USP34: variants seen among roughly 807,000 people sequenced by gnomAD.
The protein encoded by USP34 is ubiquitin specific peptidase 34.
USP34 carries 70 observed loss-of-function variants against 460.3 expected under a neutral mutation model. The observed-to-expected ratio is 0.15, with a 90% confidence interval of 0.13 to 0.19. USP34 has a LOEUF of 0.19. USP34 is among the 10% of genes least tolerant of loss of function. The probability of loss-of-function intolerance (pLI) is 1.00; values close to 1 mark genes in which losing one functional copy is unlikely to be tolerated. For synonymous variants in USP34, 1,647 were observed against 1,405.3 expected, an observed-to-expected ratio of 1.17 and a Z score of -3.85; for missense variants, 3,985 against 4,236.2, an observed-to-expected ratio of 0.94 and a Z score of 1.65.
At chr2:61,303,006 A>C (rs1357753995) in intron 27 of USP34, among the ~76,000 whole-genome samples, 2 of 152,144 alleles carry the variant, frequency 1.3e-5, no homozygotes. Flanking sequence ...ATTTCAATTT[A>C]CTCAGATGTT....
In USP34 at chr2:61,339,630, T is replaced by C. The variant is rs1163471861; in HGVS notation, c.2552A>G (p.Asn851Ser). The C allele has an allele frequency of 6.3e-7, 1 of 1,580,694 alleles. No individual in the cohort carries two copies. Among genetic ancestry groups the C allele is most frequent in the Non-Finnish European group, 8.6e-7 (1 of 1,169,516 alleles). Reference sequence around the variant, plus strand: ...TCCTTTCTTGCAAACATTATCCAAATTAATGTCTGTAACAGCATTACTGTT... The same window carrying C: ...TCCTTTCTTGCAAACATTATCCAAACTAATGTCTGTAACAGCATTACTGTT... Reference protein sequence around the residue: ...QFNSNAVTDINLDNVCKKGNT... With the variant: ...QFNSNAVTDISLDNVCKKGNT... The change falls in exon 17 of 80, where the codon AAT becomes AGT. Residue 851 changes from asparagine to serine, a missense_variant. This residue lies in a region of USP34 where 716 missense variants were observed against 626.2 expected (regional missense o/e 1.14). Transcript: ENST00000398571.
intron 1 of USP34, among the ~76,000 whole-genome samples, chr2:61,443,051 A>T (rs577417799): frequency 9.4e-6 from 1 of 106,658 alleles, no homozygotes; most frequent in South Asian, 3.1e-4. Flanking sequence ...GTTAAACACC[A>T]TAAGTTCTTA....
Position 61,358,414 on chromosome 2 carries a change from T to C in USP34, c.1252-7721A>G, listed in dbSNP as rs185213476. 1.4e-3 allele frequency among the ~76,000 whole-genome samples: 210 copies of C among 151,864 alleles called. 1 individual carries two copies. The highest frequency in any genetic ancestry group is 8.3e-3 in the South Asian group (40 of 4,810). On this transcript the variant is annotated intron_variant, in intron 10 of 79. Transcript: ENST00000398571. The stretch of plus-strand genomic sequence containing the variant: ...GATATTATAATTGTACACGAGAAAA[T>C]TGGACAACCTGGAAGATTCCTTTCA...
Position 61,433,563 on chromosome 2 carries a change from G to A in USP34, c.44-12730C>T, listed in dbSNP as rs564649987. ...GCAGGAGAATCACTTGAACCCAGGA[G>A]GCAGAGGTTGCAGTGAACCAAGATC... On this transcript the variant is annotated intron_variant, in intron 1 of 79. Transcript: ENST00000398571. Among the ~76,000 whole-genome samples the A allele has an allele frequency of 2.1e-4, 32 of 152,242 alleles. No individual in the cohort carries two copies. In the Middle Eastern group the frequency reaches 0.01, roughly 49 times the overall value.
At chr2:61,361,986 T>A (rs960338969) in intron 10 of USP34, among the ~76,000 whole-genome samples, 1 of 151,544 alleles carries the variant, frequency 6.6e-6, no homozygotes, top group African/African-American at 2.4e-5. Context: ...AATAAATAAA[T>A]AAATAAATAA....
chr2:61,303,300 C>T (rs376511496), intron 27 of USP34, among the ~76,000 whole-genome samples: 39 of 152,112 alleles, frequency 2.6e-4, no homozygotes, highest in East Asian at 7.7e-4. Context: ...TCTTGACCTC[C>T]GGTGATCCGC....
chr2:61,282,246 CTG>C (rs1163890648), intron 37 of USP34, among the ~76,000 whole-genome samples: 4 of 152,128 alleles, frequency 2.6e-5, no homozygotes, highest in African/African-American at 9.7e-5. Flanking sequence ...CCACCTCGGC[CTG>C]TGATTACAGG....
At chr2:61,293,434 A>G in intron 33 of USP34, 30 bp downstream of exon 33, 2 of 1,527,968 alleles carry the variant, frequency 1.3e-6, no homozygotes, top group Non-Finnish European at 9.0e-7. Context: ...TAACTACTGT[A>G]ACTAGTTGAA....
intron 8 of USP34, among the ~76,000 whole-genome samples, chr2:61,377,011 TC>T (rs1362184327): frequency 6.6e-6 from 1 of 152,170 alleles, no homozygotes; most frequent in Non-Finnish European, 1.5e-5. Flanking sequence ...AAACAACACT[TC>T]TAATATAATC....
chr2:61,332,691 T>G (rs1691306124), intron 19 of USP34, among the ~76,000 whole-genome samples: 3 of 152,042 alleles, frequency 2.0e-5, no homozygotes, highest in Admixed American at 2.0e-4. Flanking sequence ...CACACTATTC[T>G]TGTTCTTCAG....
rs969292613 is a variant in USP34 at position 61,283,547 on chromosome 2, C to T, written c.4833-98G>A. Reference sequence around the variant, plus strand: ...ATATCCTTTAAGGTTATCACTTCCCCCCCAAAAAAGGAAAGCAGTGGGTGT... The same window carrying T: ...ATATCCTTTAAGGTTATCACTTCCCTCCCAAAAAAGGAAAGCAGTGGGTGT... On this transcript the variant is annotated intron_variant, in intron 35 of 79. Coordinates refer to ENST00000398571, the MANE Select transcript of USP34 (RefSeq NM_014709.4). 3.1e-5 allele frequency: 41 copies of T among 1,340,320 alleles called. No homozygotes were observed. The South Asian group carries it at 5.5e-4, about 18-fold the overall frequency. The allele number at this position is 1,340,320 out of a possible 1,614,324, so 83.0% of individuals were successfully genotyped here. A position where few individuals can be genotyped will look rare whatever the true frequency, so the allele number is the denominator to read the frequency against.
At chr2:61,233,290 AT>A (rs1382207203) in intron 57 of USP34, among the ~76,000 whole-genome samples, 4 of 152,240 alleles carry the variant, frequency 2.6e-5, no homozygotes, top group African/African-American at 9.6e-5. Flanking sequence ...ACAGAGGAAC[AT>A]GTTAAACACC....
chr2:61,433,931 T>A (rs1040839274), intron 1 of USP34, among the ~76,000 whole-genome samples: 2 of 152,104 alleles, frequency 1.3e-5, no homozygotes, highest in Admixed American at 6.5e-5. Context: ...GCCACAACTA[T>A]AGCTGCAACT....
At chr2:61,281,382 C>G in intron 37 of USP34, 140 bp from the exon 38 acceptor site, 1 of 1,102,778 alleles carries the variant, frequency 9.1e-7, no homozygotes, top group Non-Finnish European at 1.3e-6. Flanking sequence ...GAGGCCCAGG[C>G]AGGAGGATAA....
chr2:61,465,089 G>A (rs1487300847), intron 1 of USP34, among the ~76,000 whole-genome samples: 1 of 151,330 alleles, frequency 6.6e-6, no homozygotes, highest in African/African-American at 2.4e-5. Flanking sequence ...GGCAAGTCCA[G>A]TATTTTAGTA....
At position 61,420,760 on chromosome 2, in the gene USP34, A is replaced by G. The variant is rs1289985797; in HGVS notation, c.117T>C (p.Asn39=). The G allele has an allele frequency of 1.2e-6, 2 of 1,610,190 alleles. No individual in the cohort carries two copies. Among genetic ancestry groups the G allele is most frequent in the Admixed American group, 1.7e-5 (1 of 59,604 alleles). Residue 39 remains asparagine, a synonymous_variant, in exon 2 of 80, where the codon AAT becomes AAC. Transcript: ENST00000398571. The part of the protein sequence containing the change: ...EHTLKIFTYI[N]SWTQRQCLCC... ...AAGATGCATACCTCTGTGTCCAGGAATTGATATAAGTAAATATTTTGAGAG... is the reference window on the plus strand; with the variant it reads ...AAGATGCATACCTCTGTGTCCAGGAGTTGATATAAGTAAATATTTTGAGAG...
intron 53 of USP34, among the ~76,000 whole-genome samples, chr2:61,239,299 G>GACAC (rs1558484181): frequency 8.7e-5 from 6 of 69,136 alleles, no homozygotes; most frequent in African/African-American, 3.7e-4. Context: ...TGAGGGCCCT[G>GACAC]TCACACACAC....
At chr2:61,248,438 C>G (rs1416268488) in intron 49 of USP34, 73 bp downstream of exon 49, 2 of 1,451,098 alleles carry the variant, frequency 1.4e-6, no homozygotes, top group Admixed American at 4.7e-5. Context: ...TTGATGACAA[C>G]TTTATAATTA....
intron 38 of USP34, 33 bp downstream of exon 38, chr2:61,281,057 T>C (rs1161317413): frequency 3.6e-5 from 58 of 1,591,302 alleles, no homozygotes; most frequent in Non-Finnish European, 4.8e-5. Context: ...ATTTCAAAAA[T>C]AGAAACTGCT....
Sources: allele counts gnomAD v4.1 joint callset (sites outside exome capture counted in the v4.1 genomes callset), GRCh38; gene constraint gnomAD v4.1.1; regional missense constraint gnomAD v4.1.1; transcripts MANE v1.5; gene names NCBI Gene and HGNC (gene_info 2026-07-23, HGNC 2026-07-21).